ITGA3: variants seen among roughly 807,000 people sequenced by gnomAD.
ITGA3 encodes the protein integrin alpha-3.
In ITGA3, 70 loss-of-function variants were observed where a neutral mutation model predicts 131.1. The observed-to-expected ratio is 0.53, with a 90% CI of 0.44 to 0.65. The LOEUF is 0.65. ITGA3 is among the 30% of genes least tolerant of loss of function. The pLI is 0.00. For missense variants in ITGA3, 1,098 were observed against 1,388.6 expected, an observed-to-expected ratio of 0.79 and a Z score of 3.33; for synonymous variants, 537 against 571.6, an observed-to-expected ratio of 0.94 and a Z score of 0.86.
chr17:50,088,092 A>G lies in ITGA3; in HGVS notation c.3046-133A>G, dbSNP rs930708623. The G allele has an allele frequency of 6.1e-6, 8 of 1,312,766 alleles. No individual in the cohort carries two copies. The African/African-American group carries it at 1.0e-4, about 17-fold the overall frequency. The allele number at this position is 1,312,766 out of a possible 1,614,324, so 81.3% of individuals were successfully genotyped here. ...GGGGACCCAGGAGCTCTGGCTTCTG[A>G]CCACACCACCAAGCTGGGACTGAGC... On this transcript the variant is annotated intron_variant, in intron 24 of 25. Coordinates refer to ENST00000320031, the MANE Select transcript of ITGA3 (RefSeq NM_002204.4).
At chr17:50,066,332 T>C (rs1567697808) in intron 3 of ITGA3, among the ~76,000 whole-genome samples, 1 of 143,650 alleles carries the variant, frequency 7.0e-6, no homozygotes, top group East Asian at 2.0e-4. Context: ...TTTTTTTTTT[T>C]CTCTTAGAGA....
At chr17:50,082,398 C>A (rs1909226739) in intron 23 of ITGA3, among the ~76,000 whole-genome samples, 1 of 152,030 alleles carries the variant, frequency 6.6e-6, no homozygotes, top group South Asian at 2.1e-4. Context: ...AGGATGGTCT[C>A]AATTTCCTGA....
In ITGA3 at chr17:50,079,087, G is replaced by A; in HGVS notation, c.2412G>A (p.Met804Ile). 1.9e-6 allele frequency: 3 copies of A among 1,613,550 alleles called. No homozygotes were observed. The highest frequency in any genetic ancestry group is 2.5e-6 in the Non-Finnish European group (3 of 1,179,732). ...TCTTGTGCCCACAGGTGGGCCCAAT[G>A]GGGGAGGGGCTGGTGGGCCTGGGGA... ...PLKYEFQVGP[M>I]GEGLVGLGTL... The change falls in exon 20 of 26, where the codon ATG (methionine) becomes ATA (isoleucine). Residue 804 changes from methionine to isoleucine, a missense_variant. By Grantham distance (10) the Met-to-Ile change is conservative. This residue lies in a region of ITGA3 where 699 missense variants were observed against 829.2 expected (regional missense o/e 0.84). Coordinates refer to ENST00000320031, the MANE Select transcript of ITGA3 (RefSeq NM_002204.4).
intron 4 of ITGA3, among the ~76,000 whole-genome samples, chr17:50,070,057 T>C (rs1908552872): frequency 6.6e-6 from 1 of 152,136 alleles, no homozygotes; most frequent in South Asian, 2.1e-4. Context: ...TCCCACCCCC[T>C]GGTCATGTAG....
chr17:50,064,502 A>G lies in ITGA3; in HGVS notation c.335-26A>G. On this transcript the variant is annotated intron_variant, in intron 2 of 25. Transcript: ENST00000320031. This position sits in a 1 kb window ranked among gnomAD's most constrained non-coding sequence, Gnocchi z 4.4. Reference sequence around the variant, plus strand: ...ACTGAAGTATGGGTGAGGTGCTCTGATTCATGATCCTTCCGGTGCCCACAG... The same window carrying G: ...ACTGAAGTATGGGTGAGGTGCTCTGGTTCATGATCCTTCCGGTGCCCACAG... The G allele has an allele frequency of 2.5e-6, 4 of 1,600,368 alleles. No homozygotes were observed. The highest frequency in any genetic ancestry group is 3.4e-6 in the Non-Finnish European group (4 of 1,173,962).
chr17:50,072,230 C>T lies in ITGA3; in HGVS notation c.1156+48C>T. On this transcript the variant is annotated intron_variant, in intron 7 of 25. Coordinates refer to ENST00000320031, the MANE Select transcript of ITGA3 (RefSeq NM_002204.4). ...CAGCACCCCTCCTCCAGCACCCCTC[C>T]TCCCAGCACCCCTACTGACTGAGCA... 6 of 1,512,694 alleles carry T rather than the reference C, an allele frequency of 4.0e-6. No homozygotes were observed. The East Asian group carries it at 6.8e-5, about 17-fold the overall frequency. The allele number at this position is 1,512,694 out of a possible 1,614,324, so 93.7% of individuals were successfully genotyped here. A position where few individuals can be genotyped will look rare whatever the true frequency, so the allele number is the denominator to read the frequency against.
chr17:50,085,702 G>C (rs988354471), intron 23 of ITGA3, among the ~76,000 whole-genome samples: 3 of 122,680 alleles, frequency 2.4e-5, no homozygotes, highest in African/African-American at 9.2e-5. Flanking sequence ...ATATATATTA[G>C]ATTATACATT....
rs1199686617 is a variant in ITGA3 at position 50,087,640 on chromosome 17, GCAGCAGGACAAA to G, written c.2920-96_2920-85del. On this transcript the variant is annotated intron_variant, in intron 23 of 25. Transcript: ENST00000320031. ...TCCAGTCCCAGGCTGCCCCCTACTG[GCAGCAGGACAAA>G]CAGCAGGTGCCTGGGCCCAGCTAGG... 6 of 1,328,696 alleles carry G rather than the reference GCAGCAGGACAAA, an allele frequency of 4.5e-6. No homozygotes were observed. In the East Asian group the frequency reaches 9.5e-5, roughly 21 times the overall value. 82.3% of individuals were successfully genotyped at this position (1,328,696 alleles called of 1,614,324 possible). A position where few individuals can be genotyped will look rare whatever the true frequency, so the allele number is the denominator to read the frequency against.
In ITGA3 at chr17:50,089,097, C is replaced by A; in HGVS notation, c.*32-13C>A. On this transcript the variant is annotated splice_polypyrimidine_tract_variant and intron_variant, in intron 25 of 25. Coordinates refer to ENST00000320031, the MANE Select transcript of ITGA3 (RefSeq NM_002204.4). ...GGATGCTAATGTTCTTTCTCTTCTC[C>A]CTCCAACTCCAGTGTGACTTCTTTA... The A allele has an allele frequency of 6.2e-7, 1 of 1,608,426 alleles. No homozygotes were observed. The highest frequency in any genetic ancestry group is 1.3e-5 in the African/African-American group (1 of 74,920).
chr17:50,076,954 T>A lies in ITGA3; in HGVS notation c.1923-20T>A. On this transcript the variant is annotated intron_variant, in intron 14 of 25. Transcript: ENST00000320031. ...CCTGGGGGCGGGGCTCTTGGCTGAG[T>A]CCTGGGCTCCTGCTCTCAGGCTCCA... The A allele has an allele frequency of 6.3e-7, 1 of 1,596,792 alleles. No homozygotes were observed. The highest frequency in any genetic ancestry group is 8.6e-7 in the Non-Finnish European group (1 of 1,168,892).
rs55893410 is a variant in ITGA3, at chr17:50,081,321, C to T, written c.2832C>T (p.Asp944=). Residue 944 remains aspartate, a synonymous_variant, in exon 23 of 26, where the codon GAC becomes GAT. Transcript: ENST00000320031. The part of the protein sequence containing the change: ...WNSTFIEDYR[D]FDRVRVNGWA... ...CACTCCCAATCCAGGATTACAGAGA[C>T]TTTGACCGAGTCCGGGTAAATGGCT... The T allele has an allele frequency of 0.041, 64,512 of 1,585,774 alleles. 2,275 individuals are homozygous for T. The highest frequency in any genetic ancestry group is 0.18 in the African/African-American group (13,025 of 74,324).
chr17:50,077,207 C>T (rs1361557364), intron 15 of ITGA3, 86 bp downstream of exon 15: 3 of 1,391,552 alleles, frequency 2.2e-6, no homozygotes, highest in African/African-American at 1.4e-5. Flanking sequence ...CAGGTGTTGT[C>T]GTCTGCCACG....
chr17:50,068,841 TATTTATTTATTTA>T (rs1567698545), intron 4 of ITGA3, among the ~76,000 whole-genome samples: 11 of 146,406 alleles, frequency 7.5e-5, no homozygotes, highest in South Asian at 4.4e-4. Flanking sequence ...TTTATTTATT[TATTTATTTATTTA>T]TTTATTTTTT....
chr17:50,062,899 GC>G (rs1193250543), intron 1 of ITGA3, among the ~76,000 whole-genome samples: 2 of 152,276 alleles, frequency 1.3e-5, no homozygotes, highest in Non-Finnish European at 2.9e-5. Context: ...TCAGGATTGA[GC>G]AGGGGCTCCT....
chr17:50,075,812 G>A, intron 12 of ITGA3, 77 bp downstream of exon 12: 1 of 1,493,802 alleles, frequency 6.7e-7, no homozygotes, highest in Non-Finnish European at 9.2e-7. Flanking sequence ...TAGATCAAGG[G>A]TGAGGGACGG....
intron 22 of ITGA3, among the ~76,000 whole-genome samples, 200 bp downstream of exon 22, chr17:50,080,575 A>T (rs748864950): frequency 6.6e-6 from 1 of 151,008 alleles, no homozygotes; most frequent in Non-Finnish European, 1.5e-5. Context: ...CGTGTCCATT[A>T]TTCTGTTATG....
intron 7 of ITGA3, 22 bp downstream of exon 7, chr17:50,072,204 C>T: frequency 1.3e-6 from 2 of 1,596,440 alleles, no homozygotes; most frequent in Non-Finnish European, 8.6e-7. Context: ...CACTCCTCCC[C>T]CAGCACCCCT....
chr17:50,080,207 T>C (rs966633041), intron 21 of ITGA3, 55 bp from the exon 22 acceptor site: 10 of 1,094,626 alleles, frequency 9.1e-6, no homozygotes, highest in Non-Finnish European at 1.4e-5. Context: ...GAGCAAGGCA[T>C]GAAGAATCTG....
In ITGA3 at chr17:50,070,863, G is replaced by A; in HGVS notation, c.684G>A (p.Gln228=). ...GTGAAGGAAACAGCTACATGATTCAGCGCAAGGAGTGGGACTTATCTGAGT... is the reference window on the plus strand; with the variant it reads ...GTGAAGGAAACAGCTACATGATTCAACGCAAGGAGTGGGACTTATCTGAGT... The part of the protein sequence containing the change: ...YNWKGNSYMI[Q]RKEWDLSEYS... Residue 228 remains glutamine (Q), a synonymous_variant, in exon 5 of 26, where the codon CAG becomes CAA. Transcript: ENST00000320031. 1 of 1,612,058 alleles carries A rather than the reference G, an allele frequency of 6.2e-7. No homozygotes were observed. Among genetic ancestry groups the A allele is most frequent in the Non-Finnish European group, 8.5e-7 (1 of 1,178,328 alleles).
Sources: gnomAD v4.1 joint callset for allele counts (sites outside exome capture counted in the v4.1 genomes callset) on GRCh38, gnomAD v4.1.1 for gene constraint, gnomAD v4.1.1 regional missense constraint, Gnocchi (gnomAD v3.1) non-coding constraint, MANE v1.5 for transcripts, NCBI Gene and HGNC (gene_info 2026-07-23, HGNC 2026-07-21) for gene names.